The following KIAA1217 variants were observed in gnomAD, a reference collection of about 807,000 sequenced individuals.
KIAA1217 encodes sickle tail protein homolog.
Under a neutral mutation model 163.9 loss-of-function variants are expected in KIAA1217, and 88 were observed. The ratio of observed to expected loss-of-function variants is 0.54; its 90% confidence interval spans 0.45 to 0.64. The LOEUF is 0.64. KIAA1217 is among the 30% of genes least tolerant of loss of function. The pLI, the probability that KIAA1217 is intolerant of heterozygous loss-of-function variation, is 0.00. For missense variants in KIAA1217, 2,372 were observed against 2,475.0 expected (o/e 0.96, Z 0.88); for synonymous variants, 903 against 923.1 (o/e 0.98, Z 0.39).
chr10:23,790,297 G>A lies in KIAA1217; in HGVS notation c.-321+95063G>A, dbSNP rs1199485705. ...CATATGCATATGCACATATGCATAT[G>A]CACATATGCATATATACATATGCAC... On this transcript the variant is annotated intron_variant, in intron 1 of 18. Coordinates refer to the KIAA1217 transcript ENST00000376462. Among the ~76,000 whole-genome samples the A allele has an allele frequency of 1.6e-4, 11 of 69,206 alleles. 1 individual carries two copies. The highest frequency in any genetic ancestry group is 5.2e-4 in the Admixed American group (3 of 5,810). 45.4% of individuals were successfully genotyped at this position (69,206 alleles called of 152,430 possible). A position where few individuals can be genotyped will look rare whatever the true frequency, so the allele number is the denominator to read the frequency against.
intron 2 of KIAA1217, among the ~76,000 whole-genome samples, chr10:24,194,074 C>A (rs1397834502): frequency 2.0e-5 from 3 of 151,944 alleles, no homozygotes; most frequent in Non-Finnish European, 4.4e-5. Flanking sequence ...GTAATCCCAG[C>A]TACTCAGGAG....
intron 1 of KIAA1217, among the ~76,000 whole-genome samples, chr10:23,919,972 G>T (rs1486149634): frequency 6.6e-6 from 1 of 152,176 alleles, no homozygotes; most frequent in East Asian, 1.9e-4. Flanking sequence ...AGAAAGAGAG[G>T]GCTTCCAAGA....
At chr10:24,337,644 T>TCTTTC (rs1322637048) in intron 2 of KIAA1217, among the ~76,000 whole-genome samples, 4 of 62,176 alleles carry the variant, frequency 6.4e-5, no homozygotes, top group Non-Finnish European at 1.1e-4. Flanking sequence ...TCTTTTCTTT[T>TCTTTC]CTTTTCTTTT....
intron 3 of KIAA1217, among the ~76,000 whole-genome samples, chr10:24,425,618 T>A (rs1358449714): frequency 6.6e-6 from 1 of 152,248 alleles, no homozygotes. Flanking sequence ...TGAACAGATT[T>A]ATTAAATGAA....
chr10:24,367,587 G>A (rs1286730936), intron 2 of KIAA1217, among the ~76,000 whole-genome samples: 1 of 152,144 alleles, frequency 6.6e-6, no homozygotes, highest in African/African-American at 2.4e-5. Flanking sequence ...AATACTCATG[G>A]CAGTAAAACA....
intron 2 of KIAA1217, among the ~76,000 whole-genome samples, chr10:24,148,311 A>G (rs1271082286): frequency 3.9e-5 from 6 of 152,290 alleles, no homozygotes. Context: ...TTTTACATGT[A>G]AATAGAAAGA....
intron 1 of KIAA1217, among the ~76,000 whole-genome samples, chr10:23,955,886 G>C (rs147008338): frequency 3.9e-4 from 60 of 152,250 alleles, no homozygotes; most frequent in African/African-American, 1.4e-3. Context: ...TCTACTTTCA[G>C]ACGTGCAGTT....
chr10:23,801,475 TCAAA>T (rs1054630734), intron 1 of KIAA1217, among the ~76,000 whole-genome samples: 214 of 152,194 alleles, frequency 1.4e-3, no homozygotes, highest in African/African-American at 4.9e-3. Flanking sequence ...TCAAGTATAA[TCAAA>T]CAAACAAACA....
At chr10:23,970,566 T>C (rs1482215964) in intron 1 of KIAA1217, among the ~76,000 whole-genome samples, 1 of 152,240 alleles carries the variant, frequency 6.6e-6, no homozygotes, top group African/African-American at 2.4e-5. Flanking sequence ...TGAAATCTAT[T>C]GCACAGCATG....
chr10:23,881,864 A>G (rs1455884878), intron 1 of KIAA1217, among the ~76,000 whole-genome samples: 1 of 151,790 alleles, frequency 6.6e-6, no homozygotes, highest in Non-Finnish European at 1.5e-5. Context: ...AGACCAGGTC[A>G]CTTCCCATCA....
intron 2 of KIAA1217, among the ~76,000 whole-genome samples, chr10:24,106,013 A>G (rs1170098894): frequency 6.6e-6 from 1 of 152,214 alleles, no homozygotes; most frequent in Non-Finnish European, 1.5e-5. Context: ...ACCAATTCTA[A>G]GCACCGGGAA....
intron 2 of KIAA1217, among the ~76,000 whole-genome samples, chr10:24,086,860 C>T (rs2061715361): frequency 1.3e-5 from 2 of 152,186 alleles, no homozygotes; most frequent in African/African-American, 2.4e-5. Flanking sequence ...CCAGCAGTTC[C>T]ACTGCTTCAT....
intron 2 of KIAA1217, among the ~76,000 whole-genome samples, chr10:24,193,228 G>A (rs768260013): frequency 6.6e-6 from 1 of 152,144 alleles, no homozygotes. Flanking sequence ...CCTAACCTAA[G>A]CTTACATTAT....
intron 9 of KIAA1217, among the ~76,000 whole-genome samples, chr10:24,507,382 C>T (rs1192941947): frequency 6.6e-6 from 1 of 152,074 alleles, no homozygotes; most frequent in Non-Finnish European, 1.5e-5. Context: ...ATGAAATCAG[C>T]AGCAAGGACT....
chr10:24,402,157 C>A (rs1049933050), intron 3 of KIAA1217, among the ~76,000 whole-genome samples: 1 of 152,154 alleles, frequency 6.6e-6, no homozygotes, highest in Non-Finnish European at 1.5e-5. Flanking sequence ...CCTATAAAAA[C>A]CACAGCAAGT....
chr10:23,793,287 G>C (rs1186667568), intron 1 of KIAA1217, among the ~76,000 whole-genome samples: 1 of 152,176 alleles, frequency 6.6e-6, no homozygotes, highest in African/African-American at 2.4e-5. Context: ...TTCTACTCAT[G>C]GCACAGCAGC....
intron 3 of KIAA1217, among the ~76,000 whole-genome samples, chr10:24,408,376 C>G (rs7900068): frequency 0.047 from 7,099 of 152,200 alleles, 220 homozygotes; most frequent in South Asian, 0.11. Context: ...ACTCCTAATC[C>G]ACCACCACCT....
At chr10:24,337,156 G>A (rs140185329) in intron 2 of KIAA1217, among the ~76,000 whole-genome samples, 130 of 152,272 alleles carry the variant, frequency 8.5e-4, no homozygotes, top group African/African-American at 2.9e-3. Context: ...TTTGCAAATC[G>A]TACACCTGAT....
chr10:24,264,533 G>A, intron 2 of KIAA1217, among the ~76,000 whole-genome samples: 1 of 152,028 alleles, frequency 6.6e-6, no homozygotes, highest in East Asian at 1.9e-4. Context: ...CACAAACAGA[G>A]GTGCACAGAA....
Sources: allele counts gnomAD v4.1 joint callset (sites outside exome capture counted in the v4.1 genomes callset), GRCh38; gene constraint gnomAD v4.1.1; transcripts MANE v1.5; gene names NCBI Gene and HGNC (gene_info 2026-07-23, HGNC 2026-07-21).